Variants in MSH5 observed in about 807,000 individuals in gnomAD.
MSH5 encodes mutS homolog 5, also known as mutS protein homolog 5.
In MSH5, 78 loss-of-function variants were observed where a neutral mutation model predicts 107.7. The observed-to-expected ratio is 0.72, with a 90% confidence interval of 0.60 to 0.87. MSH5 has a LOEUF of 0.87. Ranked by LOEUF, MSH5 falls within the 40% of genes least tolerant of loss-of-function variation. The pLI, the probability that MSH5 is intolerant of heterozygous loss-of-function variation, is 0.00. For missense variants in MSH5, 889 were observed against 1,046.6 expected (o/e 0.85, Z 2.08); for synonymous variants, 326 against 399.5 (o/e 0.82, Z 2.19).
intron 10 of MSH5, chr6:31,751,523 C>G (rs1009615115): frequency 2.0e-5 from 3 of 151,970 alleles, no homozygotes; most frequent in Non-Finnish European, 4.4e-5. Context: ...GTAATCCCAG[C>G]TACTCCAGAG....
Position 31,761,951 on chromosome 6 carries a change from AG to A in MSH5, c.2317del (p.Glu773ArgfsTer5). The A allele has an allele frequency of 6.2e-7, 1 of 1,613,760 alleles. No homozygotes were observed. The highest frequency in any genetic ancestry group is 1.3e-5 in the African/African-American group (1 of 75,052). ...GLPDKLVARG[K>X]EVSDLIRSGK... ...CCTGACAAGCTTGTGGCTCGTGGCA[AG>A]GAGGTGATGAGATCCAAATGTGCAA... On this transcript the variant is annotated frameshift_variant, in exon 23 of 25. Transcript: ENST00000375750. LOFTEE classifies it high-confidence loss of function. This position sits in a 1 kb window ranked among gnomAD's most constrained non-coding sequence, Gnocchi z 5.3.
chr6:31,762,390 A>G (rs1811098972), intron 24 of MSH5, 30 bp from the exon 25 acceptor site: 1 of 1,542,798 alleles, frequency 6.5e-7, no homozygotes, highest in Non-Finnish European at 9.0e-7. Context: ...CCATTCTGCC[A>G]TAAATCTTGC....
intron 12 of MSH5, chr6:31,756,559 G>C (rs1359476830): frequency 1.3e-5 from 2 of 152,188 alleles, no homozygotes; most frequent in African/African-American, 4.8e-5. Flanking sequence ...TCTGTAAAGA[G>C]AAACTTCCTT....
At chr6:31,757,861 G>A in intron 12 of MSH5, 1 of 460,268 alleles carries the variant, frequency 2.2e-6, no homozygotes, top group Admixed American at 3.8e-5. Context: ...GTAGAGACAG[G>A]GTTTCACCAT....
rs761311902 is a variant in MSH5 at position 31,744,226 on chromosome 6, CGAA to C, written c.581_583del (p.Arg194del). On this transcript the variant is annotated inframe_deletion, in exon 7 of 25. Coordinates refer to ENST00000375750, the MANE Select transcript of MSH5 (RefSeq NM_172166.4). ...TGGAGGGCTGCTGAAGTTCCTGGGT[CGAA>C]GAAGAATCGGGGTTGAACTGGAAGA... The C allele has an allele frequency of 1.2e-6, 2 of 1,613,844 alleles. No individual in the cohort carries two copies. The highest frequency in any genetic ancestry group is 3.3e-5 in the Admixed American group (2 of 59,966).
chr6:31,743,597 T>C (rs575627904), intron 5 of MSH5: 18 of 470,500 alleles, frequency 3.8e-5, no homozygotes, highest in South Asian at 3.7e-4. Context: ...AAGGCATTAG[T>C]GTTACTAGTT....
In MSH5 at chr6:31,758,337, G is replaced by C; in HGVS notation, c.1143+44G>C. On this transcript the variant is annotated intron_variant, in intron 13 of 24. Transcript: ENST00000375750. This position sits in a 1 kb window ranked among gnomAD's most constrained non-coding sequence, Gnocchi z 5.1. ...GGAGTGCACCCAGGGAGGTCAGGGA[G>C]AGAGAATGCAGTGTGCAAGATGGGG... 2.5e-6 allele frequency: 4 copies of C among 1,608,334 alleles called. No individual in the cohort carries two copies. Among genetic ancestry groups the C allele is most frequent in the Non-Finnish European group, 3.4e-6 (4 of 1,177,170 alleles).
At chr6:31,751,607 G>T (rs1268384061) in intron 10 of MSH5, 1 of 151,072 alleles carries the variant, frequency 6.6e-6, no homozygotes, top group East Asian at 2.0e-4. Context: ...CTGCACTCCA[G>T]CCTGGACAAC....
chr6:31,762,210 TA>T, intron 24 of MSH5, 25 bp downstream of exon 24: 2 of 1,611,168 alleles, frequency 1.2e-6, no homozygotes, highest in Middle Eastern at 1.7e-4. Context: ...CCAGTGTCTT[TA>T]CCCTCTCTGC....
In MSH5 at chr6:31,761,389, C is replaced by A; in HGVS notation, c.2038-83C>A. On this transcript the variant is annotated intron_variant, in intron 21 of 24. Coordinates refer to ENST00000375750, the MANE Select transcript of MSH5 (RefSeq NM_172166.4). This position sits in a 1 kb window ranked among gnomAD's most constrained non-coding sequence, Gnocchi z 5.3. The stretch of plus-strand genomic sequence containing the variant: ...GTGTGGGCAGAAAAGAAATAGAACA[C>A]GAGACAGGGAAAGGCAGTGCAAGTG... The A allele has an allele frequency of 6.2e-7, 1 of 1,603,944 alleles. No homozygotes were observed.
chr6:31,741,640 C>G (rs1808921529), intron 3 of MSH5, among the ~76,000 whole-genome samples: 1 of 152,070 alleles, frequency 6.6e-6, no homozygotes, highest in South Asian at 2.1e-4. Flanking sequence ...CCTTGGCCTC[C>G]TAAAGTGCTG....
rs878954386 is a variant in MSH5 at position 31,744,017 on chromosome 6, C to T, written c.529C>T (p.Leu177Phe). 6.8e-6 allele frequency: 11 copies of T among 1,613,996 alleles called. No individual in the cohort carries two copies. The highest frequency in any genetic ancestry group is 1.6e-4 in the Middle Eastern group (1 of 6,084). Reference protein sequence around the residue: ...FLSSIIPFDCLLTVRALGGLL... With the variant: ...FLSSIIPFDCFLTVRALGGLL... ...CTCTTCCATTATTCCCTTTGACTGC[C>T]TCCTCACAGTGAGATTGGTCCTGGG... The change falls in exon 6 of 25, where the codon CTC (leucine) becomes TTC (phenylalanine). Residue 177 changes from leucine to phenylalanine, a missense_variant. Physicochemically the swap from Leu to Phe is conservative, Grantham distance 22. Transcript: ENST00000375750.
Position 31,761,290 on chromosome 6 carries a change from A to C in MSH5, c.2037+28A>C. ...GAGGGGAGAAACTGATGAGGGGAGA[A>C]ACTAAGGAGGGGAAAATGGAGGAGG... On this transcript the variant is annotated intron_variant, in intron 21 of 24. Coordinates refer to ENST00000375750, the MANE Select transcript of MSH5 (RefSeq NM_172166.4). The surrounding 1 kb of genome is among the most constrained non-coding windows in gnomAD (Gnocchi z 5.3). 6.2e-7 allele frequency: 1 copy of C among 1,612,384 alleles called. No homozygotes were observed. The highest frequency in any genetic ancestry group is 8.5e-7 in the Non-Finnish European group (1 of 1,179,250).
Position 31,758,229 on chromosome 6 carries a change from T to C in MSH5, c.1079T>C (p.Phe360Ser). ...CRSLPQSIQL[F>S]RDIAQEFSDD... Reference sequence around the variant, plus strand: ...TCCCTGCCGCAGTCCATCCAGCTCTTTCGGGACATTGCCCAAGAGTTCTCT... The same window carrying C: ...TCCCTGCCGCAGTCCATCCAGCTCTCTCGGGACATTGCCCAAGAGTTCTCT... Residue 360 changes from phenylalanine to serine, a missense_variant, in exon 13 of 25, where the codon TTT (phenylalanine) becomes TCT (serine). Phe to Ser is a radical substitution (Grantham distance 155). This residue lies in a region of MSH5 where 518 missense variants were observed against 565.0 expected (regional missense o/e 0.92). Coordinates refer to ENST00000375750, the MANE Select transcript of MSH5 (RefSeq NM_172166.4). This position sits in a 1 kb window ranked among gnomAD's most constrained non-coding sequence, Gnocchi z 5.1. 3.1e-6 allele frequency: 5 copies of C among 1,613,094 alleles called. No homozygotes were observed. Among genetic ancestry groups the C allele is most frequent in the Non-Finnish European group, 4.2e-6 (5 of 1,180,034 alleles).
rs1420944568 is a variant in MSH5, at chr6:31,743,131, A to G, written c.376A>G (p.Lys126Glu). The change falls in exon 5 of 25, where the codon AAA becomes GAA. Residue 126 changes from lysine (K) to glutamate (E), a missense_variant. By Grantham distance (56) the Lys-to-Glu change is moderately conservative (BLOSUM62 1). This residue lies in a region of MSH5 where 518 missense variants were observed against 565.0 expected (regional missense o/e 0.92). Transcript: ENST00000375750. ...KLASQEHREPKRPEIIFLPSV... is the reference protein window; with the variant it reads ...KLASQEHREPERPEIIFLPSV... ...AGCCTCCCAGGAGCACAGAGAGCCT[A>G]AAAGACCTGAAATCATATTTTTGCC... The G allele has an allele frequency of 5.6e-6, 9 of 1,612,908 alleles. No individual in the cohort carries two copies. Among genetic ancestry groups the G allele is most frequent in the Non-Finnish European group, 7.6e-6 (9 of 1,180,000 alleles).
chr6:31,759,849 C>T lies in MSH5; in HGVS notation c.1559C>T (p.Thr520Ile). ...GTGCTGGCACGAGCAGCTGTCTTAACCCGAGTATTGGACCTTGCCTCCCGC... is the reference window on the plus strand; with the variant it reads ...GTGCTGGCACGAGCAGCTGTCTTAATCCGAGTATTGGACCTTGCCTCCCGC... ...CQVLARAAVLTRVLDLASRLD... is the reference protein window; with the variant it reads ...CQVLARAAVLIRVLDLASRLD... The change falls in exon 18 of 25, where the codon ACC becomes ATC. Residue 520 changes from threonine (T) to isoleucine (I), a missense_variant. By Grantham distance (89) the Thr-to-Ile change is moderately conservative. Transcript: ENST00000375750. This position sits in a 1 kb window ranked among gnomAD's most constrained non-coding sequence, Gnocchi z 4.7. 6.2e-7 allele frequency: 1 copy of T among 1,614,128 alleles called. No individual in the cohort carries two copies. Among genetic ancestry groups the T allele is most frequent in the Non-Finnish European group, 8.5e-7 (1 of 1,180,038 alleles).
At chr6:31,754,384 A>T (rs1028114641) in intron 12 of MSH5, among the ~76,000 whole-genome samples, 1 of 152,124 alleles carries the variant, frequency 6.6e-6, no homozygotes, top group African/African-American at 2.4e-5. Context: ...TCCTGGCCTC[A>T]AGTGATCTGC....
chr6:31,753,216 G>C, intron 10 of MSH5, 85 bp from the exon 11 acceptor site: 1 of 1,500,562 alleles, frequency 6.7e-7, no homozygotes, highest in Non-Finnish European at 9.0e-7. Context: ...ACAATCCCCA[G>C]GGACTGCAAG....
intron 10 of MSH5, among the ~76,000 whole-genome samples, chr6:31,752,510 A>C (rs1193308687): frequency 6.6e-6 from 1 of 152,178 alleles, no homozygotes; most frequent in Non-Finnish European, 1.5e-5. Flanking sequence ...TCACGAGGTC[A>C]AGAGATCGAG....
Sources: allele counts gnomAD v4.1 joint callset (sites outside exome capture counted in the v4.1 genomes callset), GRCh38; gene constraint gnomAD v4.1.1; regional missense constraint gnomAD v4.1.1; non-coding constraint Gnocchi (gnomAD v3.1); transcripts MANE v1.5; gene names NCBI Gene and HGNC (gene_info 2026-07-23, HGNC 2026-07-21).